The following SCAPER variants were observed in gnomAD, a reference collection of about 807,000 sequenced individuals.
SCAPER encodes S phase cyclin A-associated protein in the endoplasmic reticulum.
In SCAPER, 98 loss-of-function variants were observed where a neutral mutation model predicts 182.2. That is an observed-to-expected ratio of 0.54 (90% confidence interval 0.46 to 0.64). SCAPER has a LOEUF of 0.64. Ranked by LOEUF, SCAPER falls within the 30% of genes least tolerant of loss-of-function variation. The pLI is 0.00. For synonymous variants in SCAPER, 605 were observed against 564.6 expected, an observed-to-expected ratio of 1.07 and a Z score of -1.01; for missense variants, 1,432 against 1,690.0, an observed-to-expected ratio of 0.85 and a Z score of 2.68.
intron 14 of SCAPER, among the ~76,000 whole-genome samples, chr15:76,758,648 T>G (rs946122711): frequency 6.6e-6 from 1 of 152,152 alleles, no homozygotes; most frequent in African/African-American, 2.4e-5. Context: ...TTGACAGAGA[T>G]TGCACTGAAA....
At chr15:76,822,710 C>G (rs963679787) in intron 5 of SCAPER, among the ~76,000 whole-genome samples, 2 of 152,170 alleles carry the variant, frequency 1.3e-5, no homozygotes, top group Non-Finnish European at 2.9e-5. Context: ...ACACTCTACA[C>G]ACTTGGCAAA....
At chr15:76,584,602 G>A (rs2048497918) in intron 22 of SCAPER, among the ~76,000 whole-genome samples, 1 of 152,186 alleles carries the variant, frequency 6.6e-6, no homozygotes, top group Non-Finnish European at 1.5e-5. Context: ...AAAGTTATGT[G>A]ATCTTCCCAA....
chr15:76,657,133 A>AGACT (rs1384708869), intron 21 of SCAPER, among the ~76,000 whole-genome samples: 1 of 152,190 alleles, frequency 6.6e-6, no homozygotes, highest in African/African-American at 2.4e-5. Context: ...AGACAAAGTA[A>AGACT]GACTGATAGA....
rs1229665164 is a variant in SCAPER at position 76,510,523 on chromosome 15, T to C, written c.2839-5549A>G. ...TCAACATCACTAATAATCAGGGAAA[T>C]GCAAATCAAAACCACAATGTGATAC... On this transcript the variant is annotated intron_variant, in intron 23 of 31. Coordinates refer to ENST00000563290, the MANE Select transcript of SCAPER (RefSeq NM_020843.4). Among the ~76,000 whole-genome samples the C allele has an allele frequency of 2.6e-5, 4 of 151,958 alleles. No individual in the cohort carries two copies. In the East Asian group the frequency reaches 7.7e-4, roughly 29 times the overall value.
chr15:76,461,952 A>G (rs2049217988), intron 25 of SCAPER, among the ~76,000 whole-genome samples: 1 of 152,208 alleles, frequency 6.6e-6, no homozygotes, highest in South Asian at 2.1e-4. Flanking sequence ...TCTTGTCTTT[A>G]GCTGAGTTAT....
chr15:76,842,015 C>T (rs1243905763), intron 4 of SCAPER, 84 bp from the exon 5 acceptor site: 2 of 1,149,774 alleles, frequency 1.7e-6, no homozygotes, highest in African/African-American at 1.6e-5. Flanking sequence ...CAATCAACTA[C>T]AAATCAAAAC....
chr15:76,713,823 T>A (rs920432083), intron 17 of SCAPER, among the ~76,000 whole-genome samples: 4 of 152,084 alleles, frequency 2.6e-5, no homozygotes, highest in Non-Finnish European at 4.4e-5. Flanking sequence ...AAAATAGTTT[T>A]AAGTTTCCTA....
intron 4 of SCAPER, among the ~76,000 whole-genome samples, chr15:76,843,025 C>T (rs1188423611): frequency 6.6e-6 from 1 of 152,172 alleles, no homozygotes; most frequent in Non-Finnish European, 1.5e-5. Flanking sequence ...CTAGCAGCTT[C>T]CTGTGAATCC....
chr15:76,637,120 T>C (rs1039378907), intron 21 of SCAPER, among the ~76,000 whole-genome samples: 2 of 152,006 alleles, frequency 1.3e-5, no homozygotes, highest in Non-Finnish European at 2.9e-5. Context: ...CTTTAGAACA[T>C]TTTTCTCCTC....
intron 23 of SCAPER, among the ~76,000 whole-genome samples, chr15:76,551,384 A>C (rs1431068895): frequency 6.6e-6 from 1 of 152,172 alleles, no homozygotes; most frequent in Non-Finnish European, 1.5e-5. Flanking sequence ...GCCACAAAAA[A>C]GAATGAAATC....
At chr15:76,697,233 G>A in intron 20 of SCAPER, among the ~76,000 whole-genome samples, 1 of 152,138 alleles carries the variant, frequency 6.6e-6, no homozygotes, top group East Asian at 1.9e-4. Context: ...ACTTCCATGA[G>A]AGTAGTAGAA....
intron 25 of SCAPER, among the ~76,000 whole-genome samples, chr15:76,441,604 C>T (rs1161429405): frequency 6.6e-6 from 1 of 152,144 alleles, no homozygotes; most frequent in African/African-American, 2.4e-5. Flanking sequence ...TCTGGTATTT[C>T]CTCTGCCTGG....
At chr15:76,391,200 G>T (rs2043669295) in intron 27 of SCAPER, among the ~76,000 whole-genome samples, 1 of 152,048 alleles carries the variant, frequency 6.6e-6, no homozygotes, top group Non-Finnish European at 1.5e-5. Flanking sequence ...CCTTTGCTTG[G>T]GTCTTTACAT....
At position 76,512,168 on chromosome 15, in the gene SCAPER, G is replaced by A. The variant is rs1016776179; in HGVS notation, c.2839-7194C>T. On this transcript the variant is annotated intron_variant, in intron 23 of 31. Transcript: ENST00000563290. ...CTCCCAAAGTGCTGGGATTACAGGC[G>A]TGAGCCACCATGTCCGGCCCCATTA... is the stretch of plus-strand genomic sequence containing the variant. 4.0e-5 allele frequency among the ~76,000 whole-genome samples: 6 copies of A among 151,854 alleles called. 1 individual carries two copies. In the East Asian group the frequency reaches 1.2e-3, roughly 29 times the overall value.
chr15:76,376,197 C>T lies in SCAPER; in HGVS notation c.3820G>A (p.Val1274Met). The change falls in exon 29 of 32, where the codon GTG becomes ATG. Residue 1274 changes from valine (V) to methionine (M), a missense_variant. Physicochemically the swap from Val to Met is conservative, Grantham distance 21. Around this residue, in one of 5 missense-constraint regions of SCAPER, gnomAD observed 718 missense variants for 799.7 expected, o/e 0.90. Coordinates refer to ENST00000563290, the MANE Select transcript of SCAPER (RefSeq NM_020843.4). ...GGGTGGTTGACAGTGAAGTAGCCCA[C>T]ACAGACGATGACCTCATGAAGGAGG... ...ESLLHEVIVC[V>M]GYFTVNHPDN... is the part of the protein sequence containing the mutation. The T allele has an allele frequency of 6.2e-7, 1 of 1,614,026 alleles. No homozygotes were observed. Among genetic ancestry groups the T allele is most frequent in the Admixed American group, 1.7e-5 (1 of 60,034 alleles).
chr15:76,748,628 C>A (rs1183786929), intron 15 of SCAPER, among the ~76,000 whole-genome samples: 2 of 150,366 alleles, frequency 1.3e-5, no homozygotes, highest in African/African-American at 4.9e-5. Flanking sequence ...CCAGAACATA[C>A]AAGGAACTCG....
At chr15:76,682,090 G>GACA (rs2057745591) in intron 20 of SCAPER, among the ~76,000 whole-genome samples, 1 of 152,152 alleles carries the variant, frequency 6.6e-6, no homozygotes, top group African/African-American at 2.4e-5. Context: ...CTCTTCATAT[G>GACA]TTCTTTGTCA....
intron 25 of SCAPER, among the ~76,000 whole-genome samples, chr15:76,467,059 T>C (rs1415609941): frequency 3.9e-5 from 6 of 152,070 alleles, no homozygotes; most frequent in Admixed American, 2.6e-4. Context: ...TAGCATCTCC[T>C]CCTTCACTCT....
At chr15:76,401,989 T>C (rs766457659) in intron 27 of SCAPER, among the ~76,000 whole-genome samples, 3 of 151,538 alleles carry the variant, frequency 2.0e-5, no homozygotes, top group Non-Finnish European at 4.4e-5. Context: ...TAGCCAGGAG[T>C]GGTGGCCTGT....
Sources: allele counts gnomAD v4.1 joint callset (sites outside exome capture counted in the v4.1 genomes callset), GRCh38; gene constraint gnomAD v4.1.1; regional missense constraint gnomAD v4.1.1; transcripts MANE v1.5; gene names NCBI Gene and HGNC (gene_info 2026-07-23, HGNC 2026-07-21).